The following SGCZ variants were observed in gnomAD, a reference collection of about 807,000 sequenced individuals.
SGCZ encodes sarcoglycan zeta, also known as zeta-sarcoglycan.
SGCZ carries 40 observed loss-of-function variants against 41.3 expected under a neutral mutation model. The ratio of observed to expected loss-of-function variants is 0.97; its 90% CI spans 0.75 to 1.26. The LOEUF is 1.26. Among genes scored for constraint, SGCZ ranks in the 50% most tolerant of loss-of-function variants. The pLI is 0.00. For missense variants in SGCZ, 552 were observed against 369.8 expected, an observed-to-expected ratio of 1.49 and a Z score of -4.04; for synonymous variants, 206 against 137.5, an observed-to-expected ratio of 1.50 and a Z score of -3.49.
intron 1 of SGCZ, among the ~76,000 whole-genome samples, chr8:14,672,679 T>A (rs185457017): frequency 1.0e-3 from 155 of 152,320 alleles, no homozygotes; most frequent in African/African-American, 3.7e-3. Context: ...ACACTGGTTG[T>A]GCTCAGGACA....
intron 1 of SGCZ, among the ~76,000 whole-genome samples, chr8:14,560,900 T>C (rs1173989069): frequency 1.3e-5 from 2 of 152,108 alleles, no homozygotes; most frequent in African/African-American, 2.4e-5. Context: ...TAAAGCTATG[T>C]TTATCTCCTC....
chr8:14,819,439 A>G (rs1272544311), intron 1 of SGCZ, among the ~76,000 whole-genome samples: 2 of 152,156 alleles, frequency 1.3e-5, no homozygotes, highest in African/African-American at 4.8e-5. Context: ...AATTGGCCTT[A>G]TAGGGAAGTC....
chr8:14,691,763 T>A (rs76031072), intron 1 of SGCZ, among the ~76,000 whole-genome samples: 213 of 152,020 alleles, frequency 1.4e-3, no homozygotes, highest in African/African-American at 4.4e-3. Flanking sequence ...AAAATAGCAA[T>A]AATGAACCAA....
intron 3 of SGCZ, among the ~76,000 whole-genome samples, chr8:14,314,599 G>A (rs1372170849): frequency 6.6e-6 from 1 of 152,048 alleles, no homozygotes; most frequent in Admixed American, 6.6e-5. Context: ...TTTGTAAATT[G>A]CAAAGTTTAA....
intron 1 of SGCZ, among the ~76,000 whole-genome samples, chr8:14,688,060 A>C (rs889270013): frequency 3.9e-5 from 6 of 151,936 alleles, no homozygotes; most frequent in African/African-American, 1.5e-4. Flanking sequence ...TTTCTTGTAA[A>C]TTTGTTTGAG....
chr8:14,758,614 C>T (rs1238536052), intron 1 of SGCZ, among the ~76,000 whole-genome samples: 1 of 152,124 alleles, frequency 6.6e-6, no homozygotes, highest in Non-Finnish European at 1.5e-5. Flanking sequence ...TAAGTTTTGC[C>T]TCACACAGTA....
At chr8:14,773,601 A>T (rs1216807696) in intron 1 of SGCZ, among the ~76,000 whole-genome samples, 1 of 152,220 alleles carries the variant, frequency 6.6e-6, no homozygotes, top group African/African-American at 2.4e-5. Context: ...ATTCTTTAGA[A>T]GAAAAACAGT....
chr8:14,166,507 A>C (rs1259349399), intron 4 of SGCZ, among the ~76,000 whole-genome samples: 1 of 152,172 alleles, frequency 6.6e-6, no homozygotes, highest in African/African-American at 2.4e-5. Context: ...GGCACACATT[A>C]ACCCTGAACT....
chr8:14,091,891 G>C (rs1181140008), intron 7 of SGCZ, among the ~76,000 whole-genome samples: 1 of 152,130 alleles, frequency 6.6e-6, no homozygotes, highest in African/African-American at 2.4e-5. Flanking sequence ...CTTTGCCCAT[G>C]CCTATGTCCT....
intron 1 of SGCZ, among the ~76,000 whole-genome samples, chr8:15,128,254 G>A (rs562103387): frequency 1.9e-4 from 29 of 152,082 alleles, no homozygotes; most frequent in Non-Finnish European, 3.2e-4. Flanking sequence ...TTCAGCTCCC[G>A]GTGATGTCTT....
intron 1 of SGCZ, among the ~76,000 whole-genome samples, chr8:14,795,132 A>C (rs773485847): frequency 3.3e-5 from 5 of 152,214 alleles, no homozygotes; most frequent in African/African-American, 4.8e-5. Flanking sequence ...AGGAGGGTTT[A>C]AAATCAAAAT....
At chr8:14,470,597 T>C (rs1478785674) in intron 2 of SGCZ, among the ~76,000 whole-genome samples, 1 of 152,158 alleles carries the variant, frequency 6.6e-6, no homozygotes, top group African/African-American at 2.4e-5. Flanking sequence ...GGAAATGATT[T>C]TTATCCATTT....
chr8:15,181,307 A>G (rs1800171483), intron 1 of SGCZ, among the ~76,000 whole-genome samples: 1 of 152,050 alleles, frequency 6.6e-6, no homozygotes, highest in African/African-American at 2.4e-5. Flanking sequence ...CTTTTTTTCT[A>G]CTTAAGAGTT....
At chr8:14,192,477 T>C (rs1405740855) in intron 4 of SGCZ, among the ~76,000 whole-genome samples, 2 of 151,922 alleles carry the variant, frequency 1.3e-5, no homozygotes, top group Admixed American at 1.3e-4. Context: ...ATACTGAAAG[T>C]CTTTGTTATC....
chr8:14,360,537 G>T (rs1355115730), intron 2 of SGCZ, among the ~76,000 whole-genome samples: 1 of 152,022 alleles, frequency 6.6e-6, no homozygotes, highest in Non-Finnish European at 1.5e-5. Flanking sequence ...TGTTGGCCAG[G>T]CTGGTCTCGA....
chr8:14,492,175 T>G (rs548397350), intron 2 of SGCZ, among the ~76,000 whole-genome samples: 1 of 152,322 alleles, frequency 6.6e-6, no homozygotes, highest in Non-Finnish European at 1.5e-5. Flanking sequence ...GATGAAATTG[T>G]GTTGAATAAC....
chr8:14,506,711 T>G (rs73190249), intron 2 of SGCZ, among the ~76,000 whole-genome samples: 2,655 of 152,318 alleles, frequency 0.017, 40 homozygotes, highest in East Asian at 0.08. Flanking sequence ...ATCAATGGCT[T>G]TTATGTTACT....
At chr8:14,290,694 A>T (rs1218689803) in intron 3 of SGCZ, among the ~76,000 whole-genome samples, 1 of 151,452 alleles carries the variant, frequency 6.6e-6, no homozygotes, top group Non-Finnish European at 1.5e-5. Context: ...ACCCAGTGTC[A>T]ATAAGAATGT....
At chr8:15,151,570 A>T (rs1375125115) in intron 1 of SGCZ, among the ~76,000 whole-genome samples, 1 of 152,234 alleles carries the variant, frequency 6.6e-6, no homozygotes, top group Admixed American at 6.5e-5. Context: ...TATCTTTATG[A>T]TATAGAAATC....
Sources: allele counts gnomAD v4.1 joint callset (sites outside exome capture counted in the v4.1 genomes callset), GRCh38; gene constraint gnomAD v4.1.1; transcripts MANE v1.5; gene names NCBI Gene and HGNC (gene_info 2026-07-23, HGNC 2026-07-21).